Variants in ROBO1 observed in about 807,000 individuals in gnomAD.
ROBO1 encodes roundabout homolog 1.
ROBO1 carries 149 observed loss-of-function variants against 195.9 expected under a neutral mutation model. The observed-to-expected ratio is 0.76, with a 90% CI of 0.67 to 0.87. The LOEUF is 0.87. Ranked by LOEUF, ROBO1 falls within the 40% of genes least tolerant of loss-of-function variation. ROBO1 has a pLI of 0.00. For synonymous variants in ROBO1, 816 were observed against 733.2 expected, an observed-to-expected ratio of 1.11 and a Z score of -1.82; for missense variants, 1,933 against 2,068.3, an observed-to-expected ratio of 0.93 and a Z score of 1.27.
chr3:79,767,543 C>A (rs1321025945), intron 1 of ROBO1, among the ~76,000 whole-genome samples: 3 of 152,210 alleles, frequency 2.0e-5, no homozygotes, highest in Admixed American at 1.3e-4. Context: ...CCCTCCCGAT[C>A]GCAAGGCTGC....
At chr3:79,648,621 A>G (rs1327751189) in intron 1 of ROBO1, among the ~76,000 whole-genome samples, 1 of 152,108 alleles carries the variant, frequency 6.6e-6, no homozygotes, top group Non-Finnish European at 1.5e-5. Context: ...TATTAAAATG[A>G]CAACAATGAC....
intron 1 of ROBO1, 149 bp downstream of exon 1, chr3:79,767,603 G>A (rs898168569): frequency 6.6e-6 from 1 of 152,172 alleles, no homozygotes; most frequent in Non-Finnish European, 1.5e-5. Flanking sequence ...AAACACCCTG[G>A]CGCATCAGCC....
At chr3:79,277,937 C>T (rs2031185265) in intron 2 of ROBO1, among the ~76,000 whole-genome samples, 1 of 151,908 alleles carries the variant, frequency 6.6e-6, no homozygotes, top group Middle Eastern at 3.4e-3. Flanking sequence ...AAAGACTCTA[C>T]CAAAAATCCC....
intron 5 of ROBO1, among the ~76,000 whole-genome samples, chr3:78,721,045 T>G (rs1367793003): frequency 6.6e-6 from 1 of 151,672 alleles, no homozygotes; most frequent in African/African-American, 2.4e-5. Flanking sequence ...CATGTATACA[T>G]ATGTAACAAA....
intron 4 of ROBO1, among the ~76,000 whole-genome samples, chr3:78,931,135 TA>T (rs913429550): frequency 7.9e-5 from 12 of 151,464 alleles, no homozygotes; most frequent in Middle Eastern, 3.5e-3. Context: ...GAAGTTACTT[TA>T]AAAAAAAATC....
chr3:78,606,668 GCCTAAC>G (rs1703474848), intron 29 of ROBO1, 59 bp downstream of exon 29: 1 of 1,511,278 alleles, frequency 6.6e-7, no homozygotes, highest in South Asian at 1.2e-5. Context: ...GCCATATAGA[GCCTAAC>G]TGTATGCCTT....
intron 19 of ROBO1, among the ~76,000 whole-genome samples, chr3:78,650,925 T>C (rs1335680430): frequency 1.3e-5 from 2 of 152,142 alleles, no homozygotes; most frequent in East Asian, 1.9e-4. Context: ...AGGCCCAGAA[T>C]TGATGAAGGT....
chr3:78,600,341 G>A, intron 29 of ROBO1, 32 bp from the exon 30 acceptor site: 1 of 1,361,872 alleles, frequency 7.3e-7, no homozygotes, highest in Non-Finnish European at 1.0e-6. Flanking sequence ...ATGCAGGTGA[G>A]TACCATCATA....
intron 1 of ROBO1, among the ~76,000 whole-genome samples, chr3:79,636,554 G>A (rs891869367): frequency 1.3e-5 from 2 of 152,058 alleles, no homozygotes; most frequent in African/African-American, 4.8e-5. Context: ...TGAAGCTTCC[G>A]ATGACAACCC....
rs576052393 is a variant in ROBO1, at chr3:78,649,856, A to G, written c.2812+1876T>C. On this transcript the variant is annotated intron_variant, in intron 19 of 30. Coordinates refer to ENST00000464233, the MANE Select transcript of ROBO1 (RefSeq NM_002941.4). ...AGGCATTTGTTGGCATGCTCAAAGT[A>G]CGTTAGTAAAGAAAAAGAAACATTT... Among the ~76,000 whole-genome samples, 7 of 152,316 alleles carry G rather than the reference A, an allele frequency of 4.6e-5. No homozygotes were observed. The South Asian group carries it at 1.5e-3, about 32-fold the overall frequency.
intron 2 of ROBO1, among the ~76,000 whole-genome samples, chr3:79,569,273 A>G (rs947459491): frequency 2.6e-5 from 4 of 152,244 alleles, no homozygotes; most frequent in African/African-American, 9.6e-5. Flanking sequence ...GGACTAACAT[A>G]AATTGAGAAA....
At chr3:79,276,990 G>T (rs2031090495) in intron 2 of ROBO1, among the ~76,000 whole-genome samples, 1 of 151,992 alleles carries the variant, frequency 6.6e-6, no homozygotes. Flanking sequence ...AATGTGTGGA[G>T]AAAAGGGAAT....
At chr3:79,523,472 C>CTTTTTTTTT (rs11357932) in intron 2 of ROBO1, among the ~76,000 whole-genome samples, 2 of 100,436 alleles carry the variant, frequency 2.0e-5, no homozygotes, top group Admixed American at 2.1e-4. Context: ...TTTTTTTTTT[C>CTTTTTTTTT]TTTTTTTTTT....
intron 2 of ROBO1, among the ~76,000 whole-genome samples, chr3:79,202,347 A>G (rs1028793949): frequency 2.6e-5 from 4 of 152,110 alleles, no homozygotes; most frequent in Non-Finnish European, 5.9e-5. Flanking sequence ...TTACACATGA[A>G]GCCTAAAAAT....
At chr3:79,519,628 C>CAAAAAAAAAAAAAAAAA (rs71631657) in intron 2 of ROBO1, among the ~76,000 whole-genome samples, 15 of 64,682 alleles carry the variant, frequency 2.3e-4, no homozygotes, top group Admixed American at 4.6e-4. Context: ...GACTCCTGCT[C>CAAAAAAAAAAAAAAAAA]AAAAAAAAAA....
intron 1 of ROBO1, among the ~76,000 whole-genome samples, chr3:79,746,978 G>A (rs1311854889): frequency 6.6e-6 from 1 of 151,934 alleles, no homozygotes; most frequent in African/African-American, 2.4e-5. Flanking sequence ...TAAGAAAGCT[G>A]GGCTTAAACT....
chr3:78,650,069 T>C (rs968125579), intron 19 of ROBO1, among the ~76,000 whole-genome samples: 5 of 152,132 alleles, frequency 3.3e-5, no homozygotes, highest in Non-Finnish European at 5.9e-5. Flanking sequence ...ATCTATATGT[T>C]AATTAGTCAC....
At chr3:78,884,164 T>A (rs1475139688) in intron 4 of ROBO1, among the ~76,000 whole-genome samples, 1 of 152,208 alleles carries the variant, frequency 6.6e-6, no homozygotes, top group African/African-American at 2.4e-5. Context: ...GGAACATGAA[T>A]GTTATTATAC....
rs184772398 is a variant in ROBO1 at position 78,962,332 on chromosome 3, G to T, written c.173-23405C>A. ...ATAAACGCAACAGTCTTAGAAGAGG[G>T]TCTAATCTTTAAAAATATAAGTATA... On this transcript the variant is annotated intron_variant, in intron 3 of 30. Transcript: ENST00000464233. 4.6e-5 allele frequency among the ~76,000 whole-genome samples: 7 copies of T among 152,298 alleles called. No individual in the cohort carries two copies. In the East Asian group the frequency reaches 1.2e-3, roughly 25 times the overall value.
Sources: allele counts gnomAD v4.1 joint callset (sites outside exome capture counted in the v4.1 genomes callset), GRCh38; gene constraint gnomAD v4.1.1; transcripts MANE v1.5; gene names NCBI Gene and HGNC (gene_info 2026-07-23, HGNC 2026-07-21).